Variants in TFCP2 observed in about 807,000 individuals in gnomAD.
TFCP2 encodes transcription factor CP2.
TFCP2 carries 33 observed loss-of-function variants against 73.4 expected under a neutral mutation model. The ratio of observed to expected loss-of-function variants is 0.45; its 90% confidence interval spans 0.34 to 0.60. TFCP2 has a LOEUF of 0.60. TFCP2 is among the 20% of genes least tolerant of loss of function. The pLI is 0.01. For missense variants in TFCP2, 352 were observed against 604.0 expected, an observed-to-expected ratio of 0.58 and a Z score of 4.37; for synonymous variants, 193 against 211.6, an observed-to-expected ratio of 0.91 and a Z score of 0.76.
chr12:51,159,995 G>A (rs1941615265), intron 1 of TFCP2, among the ~76,000 whole-genome samples: 1 of 151,944 alleles, frequency 6.6e-6, no homozygotes, highest in Non-Finnish European at 1.5e-5. Context: ...ATTCCTCACA[G>A]TTGTAAGATT....
intron 1 of TFCP2, chr12:51,124,603 G>T (rs1379478117): frequency 3.8e-6 from 2 of 519,782 alleles, no homozygotes; most frequent in Non-Finnish European, 7.5e-6. Context: ...AGCCGGAGGA[G>T]CGGACTGCCC....
Position 51,098,767 on chromosome 12 carries a change from A to G in TFCP2, c.1419+9T>C. 6.2e-7 allele frequency: 1 copy of G among 1,614,128 alleles called. No individual in the cohort carries two copies. The highest frequency in any genetic ancestry group is 8.5e-7 in the Non-Finnish European group (1 of 1,180,002). ...TCATCTGGTAATTCAACTGTACTGA[A>G]AAATCTACCTCATCACTGATGAGCA... On this transcript the variant is annotated intron_variant, in intron 13 of 14. Transcript: ENST00000257915.
chr12:51,111,059 A>T, intron 4 of TFCP2, 76 bp from the exon 5 acceptor site: 2 of 1,005,746 alleles, frequency 2.0e-6, no homozygotes, highest in Non-Finnish European at 3.1e-6. Flanking sequence ...TGATTCTTAT[A>T]TTACTCAATG....
intron 8 of TFCP2, among the ~76,000 whole-genome samples, chr12:51,104,713 ATTT>A (rs11308273): frequency 2.8e-5 from 4 of 140,668 alleles, no homozygotes; most frequent in African/African-American, 5.2e-5. Flanking sequence ...ATAAAAAACA[ATTT>A]TTTTTTTTTT....
At chr12:51,148,427 G>A (rs1168279546) in intron 1 of TFCP2, among the ~76,000 whole-genome samples, 2 of 152,216 alleles carry the variant, frequency 1.3e-5, no homozygotes, top group Non-Finnish European at 1.5e-5. Flanking sequence ...TGGTGGCCGG[G>A]CGTGGTGGCC....
At chr12:51,115,064 G>GAAAAAAAAAAAAA (rs71089747) in intron 4 of TFCP2, among the ~76,000 whole-genome samples, 1 of 68,052 alleles carries the variant, frequency 1.5e-5, no homozygotes, top group Non-Finnish European at 2.5e-5. Flanking sequence ...TCCATCTCAG[G>GAAAAAAAAAAAAA]AAAAAAAAAA....
intron 1 of TFCP2, among the ~76,000 whole-genome samples, chr12:51,155,049 C>T (rs1941509544): frequency 6.6e-6 from 1 of 152,080 alleles, no homozygotes; most frequent in African/African-American, 2.4e-5. Flanking sequence ...GCTGGGTGCC[C>T]AGATAGAACA....
intron 1 of TFCP2, among the ~76,000 whole-genome samples, chr12:51,147,947 A>T (rs566799408): frequency 9.6e-4 from 146 of 152,322 alleles, no homozygotes; most frequent in African/African-American, 3.2e-3. Context: ...AGCTAGAAAA[A>T]AAACAAACAA....
chr12:51,107,391 T>A, intron 6 of TFCP2, 45 bp from the exon 7 acceptor site: 1 of 1,508,254 alleles, frequency 6.6e-7, no homozygotes, highest in South Asian at 1.2e-5. Flanking sequence ...ACTCACCTTT[T>A]AACCCAAAAT....
chr12:51,107,541 A>G (rs977489497), intron 6 of TFCP2, among the ~76,000 whole-genome samples, 195 bp from the exon 7 acceptor site: 1 of 152,210 alleles, frequency 6.6e-6, no homozygotes, highest in Non-Finnish European at 1.5e-5. Context: ...AATCAGATCT[A>G]TAGCTACTGA....
At chr12:51,170,200 A>T (rs1368145613) in intron 1 of TFCP2, among the ~76,000 whole-genome samples, 1 of 152,210 alleles carries the variant, frequency 6.6e-6, no homozygotes, top group Non-Finnish European at 1.5e-5. Flanking sequence ...ATAAACAAGG[A>T]TAGGTAAAAC....
At chr12:51,161,649 C>T (rs1941650330) in intron 1 of TFCP2, among the ~76,000 whole-genome samples, 1 of 147,310 alleles carries the variant, frequency 6.8e-6, no homozygotes, top group South Asian at 2.1e-4. Flanking sequence ...CACTGTACTC[C>T]AGCCCAGGCA....
At chr12:51,147,631 C>G (rs2137024810) in intron 1 of TFCP2, among the ~76,000 whole-genome samples, 1 of 152,122 alleles carries the variant, frequency 6.6e-6, no homozygotes, top group South Asian at 2.1e-4. Context: ...TCACCTTATA[C>G]AAAAATCAAC....
intron 1 of TFCP2, among the ~76,000 whole-genome samples, chr12:51,160,130 T>C (rs1941618129): frequency 7.8e-6 from 1 of 127,796 alleles, no homozygotes; most frequent in African/African-American, 2.9e-5. Context: ...GAATCCTCTC[T>C]GAATTTTTTT....
intron 1 of TFCP2, among the ~76,000 whole-genome samples, chr12:51,169,438 T>G (rs1209103312): frequency 1.3e-4 from 19 of 150,962 alleles, no homozygotes; most frequent in Admixed American, 1.2e-3. Flanking sequence ...GAGACAGAGG[T>G]TGCAGTGAGC....
At chr12:51,127,970 A>G (rs1401525922) in intron 1 of TFCP2, among the ~76,000 whole-genome samples, 2 of 149,582 alleles carry the variant, frequency 1.3e-5, no homozygotes, top group African/African-American at 4.9e-5. Flanking sequence ...TCCAAGAGGG[A>G]GTGCAGTGGT....
rs545051846 is a variant in TFCP2 at position 51,104,954 on chromosome 12, C to T, written c.918-751G>A. Reference sequence around the variant, plus strand: ...GTCTCGATCTCCTGACCTTGTGATCCGCCCGCCTCCGCCTCCCAAAGTGCT... The same window carrying T: ...GTCTCGATCTCCTGACCTTGTGATCTGCCCGCCTCCGCCTCCCAAAGTGCT... On this transcript the variant is annotated intron_variant, in intron 8 of 14. Coordinates refer to ENST00000257915, the MANE Select transcript of TFCP2 (RefSeq NM_005653.5). Among the ~76,000 whole-genome samples, 614 of 151,890 alleles carry T rather than the reference C, an allele frequency of 4.0e-3. 3 individuals are homozygous for T. The highest frequency in any genetic ancestry group is 6.6e-3 in the Non-Finnish European group (447 of 67,954).
intron 1 of TFCP2, among the ~76,000 whole-genome samples, chr12:51,167,557 T>C (rs1941780565): frequency 6.6e-6 from 1 of 151,956 alleles, no homozygotes; most frequent in Admixed American, 6.6e-5. Context: ...CATGCCCAGC[T>C]AATTTTTGTA....
chr12:51,134,211 C>A (rs1485575012), intron 1 of TFCP2, among the ~76,000 whole-genome samples: 1 of 152,176 alleles, frequency 6.6e-6, no homozygotes, highest in Non-Finnish European at 1.5e-5. Flanking sequence ...ACCCAGTACA[C>A]ACATACATAT....
Sources: gnomAD v4.1 joint callset for allele counts (sites outside exome capture counted in the v4.1 genomes callset) on GRCh38, gnomAD v4.1.1 for gene constraint, MANE v1.5 for transcripts, NCBI Gene and HGNC (gene_info 2026-07-23, HGNC 2026-07-21) for gene names.